PLXNA4: variants seen among roughly 807,000 people sequenced by gnomAD.
The protein encoded by PLXNA4 is plexin A4, also known as plexin-A4.
In PLXNA4, 44 loss-of-function variants were observed where a neutral mutation model predicts 191.8. The observed-to-expected ratio is 0.23, with a 90% CI of 0.18 to 0.29. The LOEUF is 0.29. Ranked by LOEUF, PLXNA4 falls within the 10% of genes least tolerant of loss-of-function variation. The probability of loss-of-function intolerance (pLI) is 1.00; values close to 1 mark genes in which losing one functional copy is unlikely to be tolerated. For missense variants in PLXNA4, 1,800 were observed against 2,488.8 expected (o/e 0.72, Z 5.89); for synonymous variants, 1,082 against 1,009.5 (o/e 1.07, Z -1.36).
At chr7:132,309,501 C>G (rs1009333538) in intron 3 of PLXNA4, among the ~76,000 whole-genome samples, 1 of 152,164 alleles carries the variant, frequency 6.6e-6, no homozygotes, top group African/African-American at 2.4e-5. Context: ...TTCATCTCTG[C>G]CCCCACACAT....
chr7:132,315,977 G>T (rs1801929487), intron 3 of PLXNA4, among the ~76,000 whole-genome samples: 1 of 152,170 alleles, frequency 6.6e-6, no homozygotes, highest in East Asian at 1.9e-4. Context: ...TCAAAGTGCT[G>T]GGCTTTAACC....
chr7:132,389,290 T>C (rs1316081014), intron 3 of PLXNA4, among the ~76,000 whole-genome samples: 1 of 152,242 alleles, frequency 6.6e-6, no homozygotes. Flanking sequence ...TTGTTGTCTA[T>C]TTTGGCTTTT....
chr7:132,133,171 C>A lies in PLXNA4; in HGVS notation c.5467G>T (p.Ala1823Ser), dbSNP rs780451200. 1 of 1,614,164 alleles carries A rather than the reference C, an allele frequency of 6.2e-7. No individual in the cohort carries two copies. Among genetic ancestry groups the A allele is most frequent in the Non-Finnish European group, 8.5e-7 (1 of 1,180,026 alleles). Residue 1823 changes from alanine to serine, a missense_variant, in exon 31 of 32, where the codon GCC (alanine) becomes TCC (serine). Physicochemically the swap from Ala to Ser is moderately conservative, Grantham distance 99. This residue lies in a region of PLXNA4 where 101 missense variants were observed against 182.8 expected (regional missense o/e 0.55). Transcript: ENST00000321063. ...RYYSDIGKMP[A>S]ISDQDMNAYL... Reference sequence around the variant, plus strand: ...GCGTTCATGTCTTGGTCGCTGATGGCTGGCATCTTCCCTATGTCTGAGTAA... The same window carrying A: ...GCGTTCATGTCTTGGTCGCTGATGGATGGCATCTTCCCTATGTCTGAGTAA...
Position 132,592,700 on chromosome 7 carries a change from T to G in PLXNA4, c.-87+53228A>C, listed in dbSNP as rs184363630. Among the ~76,000 whole-genome samples the G allele has an allele frequency of 7.8e-4, 118 of 152,162 alleles. 2 individuals carry two copies. Among genetic ancestry groups the G allele is most frequent in the Non-Finnish European group, 1.4e-3 (95 of 67,998 alleles). On this transcript the variant is annotated intron_variant, in intron 2 of 4. Coordinates refer to the PLXNA4 transcript ENST00000378539. ...TGCTGTAGCCCTTTCATGCTGTGGC[T>G]GTCCAGGCTGAAGCCCCTCTCAAAT...
chr7:132,583,499 C>T (rs928679298), intron 2 of PLXNA4, among the ~76,000 whole-genome samples: 2 of 152,170 alleles, frequency 1.3e-5, no homozygotes, highest in African/African-American at 4.8e-5. Context: ...AGCCTGCAAG[C>T]TATCAGCAGG....
In PLXNA4 at chr7:132,140,617, T is replaced by A. The variant is rs766636683; in HGVS notation, c.5420A>T (p.Tyr1807Phe). ...CACTCACCTCTCCACCCAATTCTTG[T>A]AGCTGGGGATGTCCTTGGCATACAG... ...KLLYAKDIPS[Y>F]KNWVERYYSD... The change falls in exon 30 of 32, where the codon TAC becomes TTC. Residue 1807 changes from tyrosine to phenylalanine, a missense_variant. This residue lies in a region of PLXNA4 where 101 missense variants were observed against 182.8 expected (regional missense o/e 0.55). Coordinates refer to ENST00000321063, the MANE Select transcript of PLXNA4 (RefSeq NM_020911.2). 6.2e-7 allele frequency: 1 copy of A among 1,614,014 alleles called. No individual in the cohort carries two copies.
intron 5 of PLXNA4, among the ~76,000 whole-genome samples, chr7:132,239,781 ATCTG>A (rs1399048364): frequency 6.6e-6 from 1 of 152,132 alleles, no homozygotes; most frequent in Non-Finnish European, 1.5e-5. Context: ...ACAGTTTCTG[ATCTG>A]TCTGTGAGTT....
intron 4 of PLXNA4, among the ~76,000 whole-genome samples, chr7:132,251,973 G>A (rs1247118465): frequency 6.6e-6 from 1 of 152,086 alleles, no homozygotes; most frequent in Non-Finnish European, 1.5e-5. Context: ...ATCAACATAG[G>A]GCCCCACTCT....
At chr7:132,287,935 C>T (rs568184013) in intron 4 of PLXNA4, among the ~76,000 whole-genome samples, 1 of 152,322 alleles carries the variant, frequency 6.6e-6, no homozygotes, top group African/African-American at 2.4e-5. Context: ...ACTGCTCCAC[C>T]ACCCCATCCC....
At chr7:132,381,915 G>A (rs1447528483) in intron 3 of PLXNA4, among the ~76,000 whole-genome samples, 4 of 152,138 alleles carry the variant, frequency 2.6e-5, no homozygotes, top group East Asian at 1.9e-4. Context: ...GTGCACCCCC[G>A]CAGGCTTCCT....
chr7:132,573,756 C>T (rs1802088604), intron 1 of PLXNA4, among the ~76,000 whole-genome samples: 1 of 152,122 alleles, frequency 6.6e-6, no homozygotes, highest in Non-Finnish European at 1.5e-5. Context: ...AGATGAGAGC[C>T]CGGGGAGGCG....
At chr7:132,624,888 T>C (rs1015693338) in intron 2 of PLXNA4, among the ~76,000 whole-genome samples, 3 of 152,130 alleles carry the variant, frequency 2.0e-5, no homozygotes, top group Admixed American at 2.0e-4. Context: ...CAAAGGGTCC[T>C]GAGTAAAAGA....
At chr7:132,626,011 C>T (rs1183481749) in intron 2 of PLXNA4, among the ~76,000 whole-genome samples, 4 of 152,170 alleles carry the variant, frequency 2.6e-5, no homozygotes, top group Non-Finnish European at 4.4e-5. Flanking sequence ...CCCTCACAGG[C>T]CTCTCTATTC....
chr7:132,396,211 A>G (rs1793748914), intron 3 of PLXNA4, among the ~76,000 whole-genome samples: 2 of 152,328 alleles, frequency 1.3e-5, no homozygotes, highest in African/African-American at 4.8e-5. Context: ...GATACTGAAG[A>G]GTATGCCATG....
At chr7:132,453,610 C>A (rs1038285448) in intron 3 of PLXNA4, among the ~76,000 whole-genome samples, 4 of 151,950 alleles carry the variant, frequency 2.6e-5, no homozygotes, top group Non-Finnish European at 5.9e-5. Context: ...GGCGCAATCT[C>A]GGCTCACTGC....
rs55902635 is a variant in PLXNA4 at position 132,259,436 on chromosome 7, CAAAAAAAAAAAAAAAAAAAAAAAAAA to C, written c.1504-18296_1504-18271del. Among the ~76,000 whole-genome samples, 16 of 33,866 alleles carry C rather than the reference CAAAAAAAAAAAAAAAAAAAAAAAAAA, an allele frequency of 4.7e-4. 1 individual carries two copies. The Admixed American group carries it at 8.0e-3, about 17-fold the overall frequency. 22.2% of individuals were successfully genotyped at this position (33,866 alleles called of 152,430 possible). On this transcript the variant is annotated intron_variant, in intron 4 of 31. Transcript: ENST00000321063. ...GGGCAACAAGAGCAAAACTCCAACT[CAAAAAAAAAAAAAAAAAAAAAAAAAA>C]AAAAAAAAAAAGAAAAAAGGAAAAA... is the stretch of plus-strand genomic sequence containing the variant.
At chr7:132,339,756 G>A (rs1460583449) in intron 3 of PLXNA4, among the ~76,000 whole-genome samples, 1 of 152,114 alleles carries the variant, frequency 6.6e-6, no homozygotes, top group Non-Finnish European at 1.5e-5. Context: ...ATATTCAGGG[G>A]CCCCCACACT....
At chr7:132,181,955 T>A in intron 17 of PLXNA4, 142 bp downstream of exon 17, 1 of 1,360,080 alleles carries the variant, frequency 7.4e-7, no homozygotes, top group South Asian at 1.3e-5. Flanking sequence ...TATTCCACTA[T>A]CCTAGTATTC....
chr7:132,182,344 T>A (rs1442854243), intron 16 of PLXNA4, among the ~76,000 whole-genome samples, 154 bp from the exon 17 acceptor site: 1 of 152,168 alleles, frequency 6.6e-6, no homozygotes, highest in Non-Finnish European at 1.5e-5. Flanking sequence ...GACTGCATAG[T>A]AATAAGGATG....
Sources: gnomAD v4.1 joint callset for allele counts (sites outside exome capture counted in the v4.1 genomes callset) on GRCh38, gnomAD v4.1.1 for gene constraint, gnomAD v4.1.1 regional missense constraint, MANE v1.5 for transcripts, NCBI Gene and HGNC (gene_info 2026-07-23, HGNC 2026-07-21) for gene names.